The following MAN1C1 variants were observed in gnomAD, a reference collection of about 807,000 sequenced individuals.
MAN1C1 encodes mannosyl-oligosaccharide 1,2-alpha-mannosidase IC.
Under a neutral mutation model 71.5 loss-of-function variants are expected in MAN1C1, and 49 were observed. The ratio of observed to expected loss-of-function variants is 0.69; its 90% confidence interval spans 0.54 to 0.87. The LOEUF (loss-of-function observed/expected upper bound fraction) is 0.87, where lower values mean the gene tolerates loss of function less well. MAN1C1 is among the 40% of genes least tolerant of loss of function. MAN1C1 has a pLI of 0.00. For missense variants in MAN1C1, 743 were observed against 835.0 expected (o/e 0.89, Z 1.36); for synonymous variants, 352 against 343.7 (o/e 1.02, Z -0.27).
At chr1:25,745,012 T>C (rs1294197753) in intron 2 of MAN1C1, among the ~76,000 whole-genome samples, 1 of 152,218 alleles carries the variant, frequency 6.6e-6, no homozygotes, top group Non-Finnish European at 1.5e-5. Context: ...AAGGAGTTGA[T>C]GGGAGGCGCC....
chr1:25,650,374 T>C (rs1366235506), intron 1 of MAN1C1, among the ~76,000 whole-genome samples: 1 of 152,192 alleles, frequency 6.6e-6, no homozygotes, highest in African/African-American at 2.4e-5. Flanking sequence ...AGCAACTCCG[T>C]AGGGGTTCAG....
intron 1 of MAN1C1, among the ~76,000 whole-genome samples, chr1:25,642,062 A>G (rs1192770907): frequency 1.3e-5 from 2 of 152,200 alleles, no homozygotes; most frequent in Admixed American, 6.5e-5. Context: ...ACTTGGCTGC[A>G]TCAATATTTG....
At chr1:25,699,769 A>G (rs1197039833) in intron 2 of MAN1C1, among the ~76,000 whole-genome samples, 1 of 152,226 alleles carries the variant, frequency 6.6e-6, no homozygotes, top group Non-Finnish European at 1.5e-5. Context: ...CCCTGGAGAC[A>G]GAGGTGCTTC....
At chr1:25,681,870 C>T (rs1157223357) in intron 1 of MAN1C1, among the ~76,000 whole-genome samples, 1 of 151,794 alleles carries the variant, frequency 6.6e-6, no homozygotes, top group Non-Finnish European at 1.5e-5. Context: ...GATTTGCAAG[C>T]ATTTAGGATT....
chr1:25,710,065 T>C (rs939299570), intron 2 of MAN1C1: 2 of 152,108 alleles, frequency 1.3e-5, no homozygotes, highest in African/African-American at 4.8e-5. Flanking sequence ...ATATTCTTGT[T>C]GAGCCCCTGG....
At chr1:25,712,769 T>C (rs2046630543) in intron 2 of MAN1C1, among the ~76,000 whole-genome samples, 1 of 152,146 alleles carries the variant, frequency 6.6e-6, no homozygotes, top group Non-Finnish European at 1.5e-5. Flanking sequence ...GCCTAGTAGG[T>C]CTTAGGCTCC....
chr1:25,700,066 T>C (rs2046418775), intron 2 of MAN1C1, among the ~76,000 whole-genome samples: 1 of 152,246 alleles, frequency 6.6e-6, no homozygotes, highest in Non-Finnish European at 1.5e-5. Flanking sequence ...GTGCTAATAC[T>C]CAAGTTTGTT....
chr1:25,680,581 A>G (rs2046137939), intron 1 of MAN1C1, among the ~76,000 whole-genome samples: 1 of 152,226 alleles, frequency 6.6e-6, no homozygotes, highest in African/African-American at 2.4e-5. Context: ...GCATTTGTGC[A>G]TCTGGCATCT....
In MAN1C1 at chr1:25,779,925, TG is replaced by T. The variant is rs2047671277; in HGVS notation, c.1478-1013del. Reference sequence around the variant, plus strand: ...AATGGAGCTGGGGACTTGGGTGACCTGGACAGGAGGGACAGGCATTAAAGGG... The same window carrying T: ...AATGGAGCTGGGGACTTGGGTGACCTGACAGGAGGGACAGGCATTAAAGGG... On this transcript the variant is annotated intron_variant, in intron 9 of 11. Coordinates refer to ENST00000374332, the MANE Select transcript of MAN1C1 (RefSeq NM_020379.4). This position sits in a 1 kb window ranked among gnomAD's most constrained non-coding sequence, Gnocchi z 4.6. Among the ~76,000 whole-genome samples the T allele has an allele frequency of 6.6e-6, 1 of 152,116 alleles. No homozygotes were observed. The highest frequency in any genetic ancestry group is 2.1e-4 in the South Asian group (1 of 4,828).
At chr1:25,653,560 C>T (rs548580869) in intron 1 of MAN1C1, among the ~76,000 whole-genome samples, 1 of 152,348 alleles carries the variant, frequency 6.6e-6, no homozygotes, top group African/African-American at 2.4e-5. Context: ...GGGTGCTCCA[C>T]GGATTCCCTG....
chr1:25,781,796 C>T (rs1180056172), intron 10 of MAN1C1, among the ~76,000 whole-genome samples: 1 of 151,684 alleles, frequency 6.6e-6, no homozygotes, highest in Non-Finnish European at 1.5e-5. Flanking sequence ...TTCCCCAGGA[C>T]CATTGTTCTT....
At chr1:25,736,115 G>C (rs1176499030) in intron 2 of MAN1C1, among the ~76,000 whole-genome samples, 2 of 152,162 alleles carry the variant, frequency 1.3e-5, no homozygotes, top group Non-Finnish European at 2.9e-5. Flanking sequence ...TGTCTGGTGG[G>C]ATGAGCGGCA....
intron 2 of MAN1C1, among the ~76,000 whole-genome samples, chr1:25,696,847 A>G (rs769713850): frequency 6.6e-6 from 1 of 152,006 alleles, no homozygotes; most frequent in Admixed American, 6.6e-5. Context: ...AGGTCTTGCT[A>G]TGTTACCCAG....
At chr1:25,685,574 G>A (rs961497030) in intron 1 of MAN1C1, among the ~76,000 whole-genome samples, 4 of 152,236 alleles carry the variant, frequency 2.6e-5, no homozygotes, top group African/African-American at 9.6e-5. Context: ...TGGGGCAGCT[G>A]GGGAGCAAGG....
At position 25,783,710 on chromosome 1, in the gene MAN1C1, ACT is replaced by A; in HGVS notation, c.1815_1816del (p.Asp605GlufsTer106). The A allele has an allele frequency of 6.2e-7, 1 of 1,613,434 alleles. No homozygotes were observed. Among genetic ancestry groups the A allele is most frequent in the Non-Finnish European group, 8.5e-7 (1 of 1,180,006 alleles). On this transcript the variant is annotated frameshift_variant, in exon 12 of 12. Coordinates refer to ENST00000374332, the MANE Select transcript of MAN1C1 (RefSeq NM_020379.4). LOFTEE classifies it high-confidence loss of function. ...GAAGATGACTTGCTCTCCCTGGAAG[ACT>A]GGGTGTTCAACACCGAGGCCCACCC... is the stretch of plus-strand genomic sequence containing the variant.
chr1:25,692,814 C>T (rs1039466080), intron 2 of MAN1C1, among the ~76,000 whole-genome samples: 1 of 152,204 alleles, frequency 6.6e-6, no homozygotes, highest in African/African-American at 2.4e-5. Context: ...GCATGTGATT[C>T]GTGGTCAGGG....
intron 2 of MAN1C1, among the ~76,000 whole-genome samples, chr1:25,736,150 C>A (rs1001627460): frequency 6.6e-5 from 10 of 152,134 alleles, no homozygotes; most frequent in Admixed American, 6.6e-4. Context: ...TTGCCCTTCT[C>A]CCCATTGAGG....
rs72662641 is a variant in MAN1C1 at position 25,634,463 on chromosome 1, C to T, written c.540+16126C>T. 1.3e-3 allele frequency among the ~76,000 whole-genome samples: 192 copies of T among 152,256 alleles called. No homozygotes were observed. Among genetic ancestry groups the T allele is most frequent in the Non-Finnish European group, 2.4e-3 (161 of 68,032 alleles). ...TAAATTTTGTCACATGCTTTTTCTGCATCTATGGAGATTATATTGTTTTCC... is the reference window on the plus strand; with the variant it reads ...TAAATTTTGTCACATGCTTTTTCTGTATCTATGGAGATTATATTGTTTTCC... On this transcript the variant is annotated intron_variant, in intron 1 of 11. Transcript: ENST00000374332. The surrounding 1 kb of genome is among the most constrained non-coding windows in gnomAD (Gnocchi z 4.6).
In MAN1C1 at chr1:25,692,415, C is replaced by T. The variant is rs140264866; in HGVS notation, c.637+5879C>T. On this transcript the variant is annotated intron_variant, in intron 2 of 11. Transcript: ENST00000374332. ...ATATATATTTCTTAATTAATTCAGACGGGGTCTTGCTGTGTTGCCTGGGCT... is the reference window on the plus strand; with the variant it reads ...ATATATATTTCTTAATTAATTCAGATGGGGTCTTGCTGTGTTGCCTGGGCT... Among the ~76,000 whole-genome samples, 202 of 152,256 alleles carry T rather than the reference C, an allele frequency of 1.3e-3. 1 individual carries two copies. The highest frequency in any genetic ancestry group is 4.7e-3 in the African/African-American group (196 of 41,542).
Sources: allele counts gnomAD v4.1 joint callset (sites outside exome capture counted in the v4.1 genomes callset), GRCh38; gene constraint gnomAD v4.1.1; non-coding constraint Gnocchi (gnomAD v3.1); transcripts MANE v1.5; gene names NCBI Gene and HGNC (gene_info 2026-07-23, HGNC 2026-07-21).